The following WDFY3 variants were observed in gnomAD, a reference collection of about 807,000 sequenced individuals.
WDFY3 encodes WD repeat and FYVE domain-containing protein 3.
Under a neutral mutation model 409.6 loss-of-function variants are expected in WDFY3, and 66 were observed. The ratio of observed to expected loss-of-function variants is 0.16; its 90% CI spans 0.13 to 0.20. The LOEUF is 0.20. Ranked by LOEUF, WDFY3 falls within the 10% of genes least tolerant of loss-of-function variation. The pLI is 1.00. For missense variants in WDFY3, 3,031 were observed against 4,298.1 expected (o/e 0.71, Z 8.24); for synonymous variants, 1,521 against 1,537.1 (o/e 0.99, Z 0.25).
chr4:84,911,366 A>G (rs1767759679), intron 2 of WDFY3, among the ~76,000 whole-genome samples: 1 of 152,190 alleles, frequency 6.6e-6, no homozygotes, highest in Non-Finnish European at 1.5e-5. Context: ...ATACGACTGT[A>G]GTCCTAGCTA....
At chr4:84,828,090 G>A (rs181779316) in intron 9 of WDFY3, among the ~76,000 whole-genome samples, 18 of 146,444 alleles carry the variant, frequency 1.2e-4, no homozygotes, top group Middle Eastern at 3.4e-3. Flanking sequence ...AGGGAGGGAG[G>A]GAGGGAGGAA....
intron 3 of WDFY3, among the ~76,000 whole-genome samples, chr4:84,877,877 A>T (rs1011461742): frequency 1.3e-5 from 2 of 152,216 alleles, no homozygotes; most frequent in Non-Finnish European, 2.9e-5. Flanking sequence ...TAGAAGATAA[A>T]TGATTTAGAG....
At chr4:84,715,458 T>C in intron 49 of WDFY3, 75 bp from the exon 50 acceptor site, 1 of 889,912 alleles carries the variant, frequency 1.1e-6, no homozygotes, top group Admixed American at 2.1e-5. Context: ...ACTTTTCCAC[T>C]ATAAATTTCT....
chr4:84,809,616 A>G, intron 14 of WDFY3: 1 of 330,694 alleles, frequency 3.0e-6, no homozygotes, highest in South Asian at 5.9e-5. Context: ...CACTATCATT[A>G]AAGGAAACTT....
rs1031221135 is a variant in WDFY3 at position 84,739,113 on chromosome 4, C to A, written c.6471G>T (p.Val2157=). Residue 2157 remains valine (V), a synonymous_variant, in exon 40 of 68, where the codon GTG becomes GTT. Coordinates refer to ENST00000295888, the MANE Select transcript of WDFY3 (RefSeq NM_014991.6). The stretch of plus-strand genomic sequence containing the variant: ...CTTCTGCTTCCAGTCCAAATCCATC[C>A]ACGTTGCTGAAAAATTCCAGTCAGT... The part of the protein sequence containing the change: ...CLINLHVGSN[V]DGFGLEAEAR... 8.1e-6 allele frequency: 13 copies of A among 1,613,884 alleles called. No homozygotes were observed. Among genetic ancestry groups the A allele is most frequent in the Non-Finnish European group, 1.1e-5 (13 of 1,179,934 alleles).
intron 1 of WDFY3, among the ~76,000 whole-genome samples, chr4:84,933,781 G>C (rs1243370392): frequency 6.6e-6 from 1 of 152,072 alleles, no homozygotes; most frequent in Non-Finnish European, 1.5e-5. Context: ...TGCAAAGTTT[G>C]TCTTTCTGCA....
intron 1 of WDFY3, among the ~76,000 whole-genome samples, chr4:84,954,628 T>G (rs542532751): frequency 2.6e-5 from 4 of 152,314 alleles, no homozygotes; most frequent in African/African-American, 9.6e-5. Flanking sequence ...CAGTGAACAT[T>G]TATTTTCTTA....
At chr4:84,709,261 T>G in intron 52 of WDFY3, 32 bp downstream of exon 52, 1 of 1,589,830 alleles carries the variant, frequency 6.3e-7, no homozygotes, top group Non-Finnish European at 8.5e-7. Context: ...ATTACGAACT[T>G]CTAAGGAAGC....
intron 1 of WDFY3, among the ~76,000 whole-genome samples, 159 bp downstream of exon 1, chr4:84,966,050 A>T (rs1201200003): frequency 6.6e-6 from 1 of 151,746 alleles, no homozygotes; most frequent in Non-Finnish European, 1.5e-5. Context: ...TGGGGAGGAC[A>T]GCAGCTGGGC....
rs1429287662 is a variant in WDFY3, at chr4:84,796,769, T to C, written c.2936-17A>G. 2 of 1,589,052 alleles carry C rather than the reference T, an allele frequency of 1.3e-6. No homozygotes were observed. The highest frequency in any genetic ancestry group is 1.7e-5 in the Admixed American group (1 of 58,398). ...TCATACTACCTGTAAGTCAAGGAAA[T>C]CTCTTGGGAAAATGTCATATGGAAT... On this transcript the variant is annotated splice_polypyrimidine_tract_variant and intron_variant, in intron 18 of 67. Transcript: ENST00000295888.
chr4:84,768,419 G>A (rs900900978), intron 30 of WDFY3, among the ~76,000 whole-genome samples: 2 of 152,188 alleles, frequency 1.3e-5, no homozygotes, highest in African/African-American at 2.4e-5. Flanking sequence ...TCTCTTGTTA[G>A]AGGCTAATGC....
chr4:84,920,782 C>A (rs750013004), intron 2 of WDFY3, among the ~76,000 whole-genome samples: 1 of 152,144 alleles, frequency 6.6e-6, no homozygotes, highest in African/African-American at 2.4e-5. Flanking sequence ...CCTTCCGGTT[C>A]TATAACTCCC....
chr4:84,791,571 T>G (rs1748531749), intron 21 of WDFY3, among the ~76,000 whole-genome samples: 1 of 152,212 alleles, frequency 6.6e-6, no homozygotes, highest in Admixed American at 6.5e-5. Context: ...TGACATTGAT[T>G]TGGTTACAGT....
chr4:84,808,691 T>C (rs908969218), intron 14 of WDFY3, among the ~76,000 whole-genome samples: 17 of 152,224 alleles, frequency 1.1e-4, no homozygotes, highest in Non-Finnish European at 2.2e-4. Context: ...CTAAAAATGA[T>C]GTATTCTAAC....
At chr4:84,757,837 G>C (rs894251506) in intron 32 of WDFY3, among the ~76,000 whole-genome samples, 5 of 152,134 alleles carry the variant, frequency 3.3e-5, no homozygotes, top group Admixed American at 6.5e-5. Flanking sequence ...TGAATTTAGA[G>C]ACAAGACTAA....
chr4:84,941,916 G>T (rs1338791635), intron 1 of WDFY3, among the ~76,000 whole-genome samples: 1 of 151,870 alleles, frequency 6.6e-6, no homozygotes, highest in Non-Finnish European at 1.5e-5. Flanking sequence ...ATTTAATAGG[G>T]AAGGAAAAAT....
At chr4:84,784,043 C>T (rs559250256) in intron 24 of WDFY3, among the ~76,000 whole-genome samples, 3 of 152,280 alleles carry the variant, frequency 2.0e-5, no homozygotes, top group African/African-American at 7.2e-5. Flanking sequence ...AGTCAGTCCT[C>T]ACTTCTTATC....
Position 84,868,335 on chromosome 4 carries a change from G to A in WDFY3, c.-31-7713C>T, listed in dbSNP as rs143873751. On this transcript the variant is annotated intron_variant, in intron 3 of 67. Coordinates refer to ENST00000295888, the MANE Select transcript of WDFY3 (RefSeq NM_014991.6). Reference sequence around the variant, plus strand: ...AAGAATAAAGGCAAAACTCTGAGATGATCCCAACAAACTGGGTATATAAAC... The same window carrying A: ...AAGAATAAAGGCAAAACTCTGAGATAATCCCAACAAACTGGGTATATAAAC... 8.1e-3 allele frequency among the ~76,000 whole-genome samples: 1,235 copies of A among 151,952 alleles called. 13 individuals carry two copies. The highest frequency in any genetic ancestry group is 0.028 in the African/African-American group (1,152 of 41,444).
intron 32 of WDFY3, among the ~76,000 whole-genome samples, chr4:84,759,124 C>T (rs1016424636): frequency 5.3e-5 from 8 of 152,020 alleles, no homozygotes; most frequent in Non-Finnish European, 1.2e-4. Context: ...AGATATGCGG[C>T]GTTATTTCTG....
Sources: allele counts gnomAD v4.1 joint callset (sites outside exome capture counted in the v4.1 genomes callset), GRCh38; gene constraint gnomAD v4.1.1; transcripts MANE v1.5; gene names NCBI Gene and HGNC (gene_info 2026-07-23, HGNC 2026-07-21).